Variants in MYO5C observed in about 807,000 individuals in gnomAD.
MYO5C encodes the protein myosin VC.
In MYO5C, 194 loss-of-function variants were observed where a neutral mutation model predicts 235.7. The ratio of observed to expected loss-of-function variants is 0.82; its 90% confidence interval spans 0.73 to 0.93. The LOEUF is 0.93. MYO5C is among the 40% of genes least tolerant of loss of function. MYO5C has a pLI of 0.00. For synonymous variants in MYO5C, 707 were observed against 754.8 expected (o/e 0.94, Z 1.04); for missense variants, 2,038 against 2,127.2 (o/e 0.96, Z 0.82).
intron 8 of MYO5C, among the ~76,000 whole-genome samples, chr15:52,268,293 G>A (rs948096151): frequency 6.6e-6 from 1 of 152,194 alleles, no homozygotes; most frequent in Non-Finnish European, 1.5e-5. Flanking sequence ...GGCCGGGCGC[G>A]GTGGCTCATG....
chr15:52,230,577 T>C (rs1337484126), intron 24 of MYO5C, among the ~76,000 whole-genome samples: 2 of 151,810 alleles, frequency 1.3e-5, no homozygotes, highest in African/African-American at 4.8e-5. Flanking sequence ...ACCCAGCTAA[T>C]GTTTGTATTT....
At chr15:52,229,345 C>G (rs1461055704) in intron 24 of MYO5C, 32 bp from the exon 25 acceptor site, 1 of 1,603,722 alleles carries the variant, frequency 6.2e-7, no homozygotes, top group Non-Finnish European at 8.5e-7. Context: ...TAATTTAGAG[C>G]TGAGCATGGT....
At chr15:52,226,086 G>T (rs1468925958) in intron 25 of MYO5C, among the ~76,000 whole-genome samples, 1 of 143,780 alleles carries the variant, frequency 7.0e-6, no homozygotes, top group African/African-American at 2.6e-5. Flanking sequence ...GTTACATAAA[G>T]AAAAAAAAAT....
intron 8 of MYO5C, among the ~76,000 whole-genome samples, chr15:52,269,266 T>C (rs2036870515): frequency 6.6e-6 from 1 of 152,234 alleles, no homozygotes; most frequent in Admixed American, 6.5e-5. Context: ...TCTAGCTCTT[T>C]TAAGGGAAAA....
At chr15:52,263,369 T>C (rs563124549) in intron 9 of MYO5C, among the ~76,000 whole-genome samples, 1 of 152,112 alleles carries the variant, frequency 6.6e-6, no homozygotes, top group Non-Finnish European at 1.5e-5. Context: ...GAAACACACA[T>C]CAAATTAACT....
At chr15:52,262,821 A>G (rs2036724067) in intron 9 of MYO5C, among the ~76,000 whole-genome samples, 1 of 152,248 alleles carries the variant, frequency 6.6e-6, no homozygotes. Context: ...ACATGAAAAC[A>G]GACATTATTA....
At chr15:52,270,891 C>T (rs1254737874) in intron 7 of MYO5C, among the ~76,000 whole-genome samples, 1 of 152,154 alleles carries the variant, frequency 6.6e-6, no homozygotes, top group Non-Finnish European at 1.5e-5. Flanking sequence ...TCAACTCCAA[C>T]ATACTAGAAG....
chr15:52,290,708 G>A (rs561822254), intron 1 of MYO5C, among the ~76,000 whole-genome samples: 4 of 151,090 alleles, frequency 2.6e-5, no homozygotes, highest in East Asian at 3.9e-4. Context: ...CACCAGTATC[G>A]TAGATGAAAA....
rs544969024 is a variant in MYO5C at position 52,268,420 on chromosome 15, A to G, written c.940+1333T>C. ...TCTACTAAAATACAAAAAATTAGCCAGGTGTGGTGGCGTGTGCTTGTAATC... is the reference window on the plus strand; with the variant it reads ...TCTACTAAAATACAAAAAATTAGCCGGGTGTGGTGGCGTGTGCTTGTAATC... On this transcript the variant is annotated intron_variant, in intron 8 of 40. Transcript: ENST00000261839. 1.8e-4 allele frequency among the ~76,000 whole-genome samples: 27 copies of G among 152,246 alleles called. No homozygotes were observed. The South Asian group carries it at 5.6e-3, about 32-fold the overall frequency.
intron 4 of MYO5C, among the ~76,000 whole-genome samples, chr15:52,277,373 G>A (rs780698680): frequency 3.3e-5 from 5 of 151,948 alleles, no homozygotes; most frequent in Non-Finnish European, 7.4e-5. Context: ...ACGATACCTG[G>A]GAGACCTACA....
At chr15:52,234,461 G>A (rs1018695570) in intron 23 of MYO5C, among the ~76,000 whole-genome samples, 8 of 145,638 alleles carry the variant, frequency 5.5e-5, no homozygotes, top group East Asian at 1.9e-4. Flanking sequence ...AAATGCCCTT[G>A]TGGGAAATTC....
Position 52,193,936 on chromosome 15 carries a change from C to CTGGGGATCTGAATCATTTCCAGAGCA in MYO5C, c.5169_5194dup (p.Ser1732MetfsTer5), listed in dbSNP as rs759475419. On this transcript the variant is annotated stop_gained and frameshift_variant, in exon 41 of 41. Transcript: ENST00000261839. LOFTEE classifies it high-confidence loss of function. ...ATTCAGAAAGCCTAGCTTGAAACTG[C>CTGGGGATCTGAATCATTTCCAGAGCA]TGGGGATCTGAATCATTTCCAGAGC... 1.8e-5 allele frequency: 29 copies of CTGGGGATCTGAATCATTTCCAGAGCA among 1,613,192 alleles called. No homozygotes were observed. In the Admixed American group the frequency reaches 4.2e-4, roughly 23 times the overall value.
intron 1 of MYO5C, among the ~76,000 whole-genome samples, chr15:52,295,041 A>G (rs1200852952): frequency 1.3e-5 from 2 of 152,208 alleles, no homozygotes; most frequent in Non-Finnish European, 2.9e-5. Context: ...ATGAGCCTAC[A>G]TGCACGTTCA....
At chr15:52,210,621 C>T (rs554386089) in intron 35 of MYO5C, among the ~76,000 whole-genome samples, 21 of 152,186 alleles carry the variant, frequency 1.4e-4, no homozygotes, top group South Asian at 8.3e-4. Flanking sequence ...AGAACTAAGT[C>T]AACCACCCTA....
chr15:52,277,192 A>G (rs780909373), intron 4 of MYO5C: 2 of 530,082 alleles, frequency 3.8e-6, no homozygotes, highest in Non-Finnish European at 7.7e-6. Context: ...CCTGAGGGAC[A>G]CTACCTGTCT....
chr15:52,229,913 T>A (rs922062508), intron 24 of MYO5C, among the ~76,000 whole-genome samples: 1 of 152,184 alleles, frequency 6.6e-6, no homozygotes, highest in African/African-American at 2.4e-5. Flanking sequence ...TTTGGGGCAC[T>A]GTATTCCCAA....
At chr15:52,235,814 G>T in intron 22 of MYO5C, 51 bp from the exon 23 acceptor site, 1 of 1,210,708 alleles carries the variant, frequency 8.3e-7, no homozygotes, top group East Asian at 2.4e-5. Context: ...CTCACTTCAA[G>T]TTGTCACCAT....
rs191808066 is a variant in MYO5C at position 52,237,472 on chromosome 15, C to T, written c.2868+10G>A. On this transcript the variant is annotated intron_variant, in intron 22 of 40. Coordinates refer to ENST00000261839, the MANE Select transcript of MYO5C (RefSeq NM_018728.4). ...ATATTTCCATCCCGTCTCACACGCCCGCAGCTGACCTCTTCCACAGCATCC... is the reference window on the plus strand; with the variant it reads ...ATATTTCCATCCCGTCTCACACGCCTGCAGCTGACCTCTTCCACAGCATCC... 2.2e-5 allele frequency: 36 copies of T among 1,612,004 alleles called. No individual in the cohort carries two copies. The Admixed American group carries it at 3.0e-4, about 13-fold the overall frequency.
At chr15:52,264,739 T>C (rs2036766690) in intron 8 of MYO5C, among the ~76,000 whole-genome samples, 3 of 152,218 alleles carry the variant, frequency 2.0e-5, no homozygotes, top group Non-Finnish European at 4.4e-5. Context: ...GGGGACTTGG[T>C]ATAAACCAAG....
Sources: gnomAD v4.1 joint callset for allele counts (sites outside exome capture counted in the v4.1 genomes callset) on GRCh38, gnomAD v4.1.1 for gene constraint, MANE v1.5 for transcripts, NCBI Gene and HGNC (gene_info 2026-07-23, HGNC 2026-07-21) for gene names.